BCL2: variants seen among roughly 807,000 people sequenced by gnomAD.
BCL2 encodes BCL2 apoptosis regulator.
A neutral mutation model predicts 14.2 loss-of-function variants in BCL2; 1 was observed. That is an observed-to-expected ratio of 0.07 (90% CI 0.02 to 0.33). The LOEUF (loss-of-function observed/expected upper bound fraction) is 0.33, where lower values mean the gene tolerates loss of function less well. BCL2 is among the 10% of genes least tolerant of loss of function. BCL2 has a pLI of 0.99. For synonymous variants in BCL2, 151 were observed against 137.2 expected, an observed-to-expected ratio of 1.10 and a Z score of -0.70; for missense variants, 247 against 305.9, an observed-to-expected ratio of 0.81 and a Z score of 1.44.
chr18:63,181,235 C>G (rs992747679), intron 2 of BCL2, among the ~76,000 whole-genome samples: 2 of 152,184 alleles, frequency 1.3e-5, no homozygotes, highest in African/African-American at 4.8e-5. Flanking sequence ...AAGGTGGAAC[C>G]TAGCCAAAAT....
chr18:63,307,714 C>G (rs1461692057), intron 2 of BCL2, among the ~76,000 whole-genome samples: 1 of 152,142 alleles, frequency 6.6e-6, no homozygotes, highest in Non-Finnish European at 1.5e-5. Context: ...GGCCAATTAT[C>G]TGGGTGTCCT....
At chr18:63,256,507 A>G (rs865945384) in intron 2 of BCL2, among the ~76,000 whole-genome samples, 3 of 152,210 alleles carry the variant, frequency 2.0e-5, no homozygotes, top group Non-Finnish European at 4.4e-5. Context: ...GTGAGCCACC[A>G]TGCCCGGCCA....
At chr18:63,244,513 C>T (rs7242090) in intron 2 of BCL2, among the ~76,000 whole-genome samples, 144,370 of 152,164 alleles carry the variant, frequency 0.95, 68,784 homozygotes, top group Non-Finnish European at 0.98. Context: ...GAGCCAAGAT[C>T]GCACCGCTGC....
chr18:63,242,116 A>G (rs576907294), intron 2 of BCL2, among the ~76,000 whole-genome samples: 1 of 61,982 alleles, frequency 1.6e-5, no homozygotes, highest in South Asian at 7.4e-4. Context: ...TTCTTCTAAG[A>G]AGGAAAAAAA....
intron 2 of BCL2, among the ~76,000 whole-genome samples, chr18:63,289,503 G>C (rs1912581730): frequency 6.6e-6 from 1 of 152,268 alleles, no homozygotes; most frequent in East Asian, 1.9e-4. Context: ...GAGTAGCAGG[G>C]AATGATGAAG....
chr18:63,154,606 C>T (rs1293902287), intron 2 of BCL2, among the ~76,000 whole-genome samples: 1 of 152,150 alleles, frequency 6.6e-6, no homozygotes, highest in African/African-American at 2.4e-5. Context: ...GCTGGGATGC[C>T]ACTCTGCCTT....
intron 2 of BCL2, among the ~76,000 whole-genome samples, chr18:63,232,979 T>C (rs1910727701): frequency 6.6e-6 from 1 of 152,230 alleles, no homozygotes; most frequent in Non-Finnish European, 1.5e-5. Context: ...GTAACATTTA[T>C]CTTTCAGTTC....
chr18:63,138,775 C>T (rs1464484717), intron 2 of BCL2, among the ~76,000 whole-genome samples: 3 of 152,204 alleles, frequency 2.0e-5, no homozygotes, highest in Admixed American at 1.3e-4. Flanking sequence ...AGATGAAAAA[C>T]CCAAACAAAA....
chr18:63,277,544 C>G (rs892377734), intron 2 of BCL2, among the ~76,000 whole-genome samples: 3 of 149,312 alleles, frequency 2.0e-5, no homozygotes, highest in South Asian at 2.1e-4. Flanking sequence ...AGGAGGATCA[C>G]TTGCCTGGGT....
intron 2 of BCL2, among the ~76,000 whole-genome samples, chr18:63,228,751 C>T (rs1445270520): frequency 6.6e-6 from 1 of 151,956 alleles, no homozygotes; most frequent in Admixed American, 6.6e-5. Flanking sequence ...GTTCTGCCGC[C>T]CAGCTGGAGT....
intron 2 of BCL2, among the ~76,000 whole-genome samples, chr18:63,169,068 C>T (rs1177784177): frequency 6.6e-6 from 1 of 152,240 alleles, no homozygotes; most frequent in African/African-American, 2.4e-5. Flanking sequence ...TATCTCCAGC[C>T]TTGATTCTGA....
intron 2 of BCL2, among the ~76,000 whole-genome samples, chr18:63,293,328 T>C (rs997627919): frequency 1.3e-5 from 2 of 152,236 alleles, no homozygotes; most frequent in African/African-American, 4.8e-5. Context: ...CTTCTCTTTT[T>C]TGGGGCTGTG....
intron 2 of BCL2, among the ~76,000 whole-genome samples, chr18:63,279,613 T>C (rs971313277): frequency 6.6e-6 from 1 of 152,186 alleles, no homozygotes; most frequent in Non-Finnish European, 1.5e-5. Flanking sequence ...CCAATAGAAA[T>C]ATATGCACAA....
intron 2 of BCL2, among the ~76,000 whole-genome samples, chr18:63,135,958 T>C (rs1163782437): frequency 6.6e-6 from 1 of 152,038 alleles, no homozygotes; most frequent in Non-Finnish European, 1.5e-5. Context: ...CTAAATTCAC[T>C]GGGTGTGAGG....
intron 2 of BCL2, among the ~76,000 whole-genome samples, chr18:63,189,202 A>G (rs1037707006): frequency 2.0e-3 from 306 of 151,794 alleles, no homozygotes; most frequent in African/African-American, 4.0e-3. Context: ...AAAAAAAAAA[A>G]AAAGAAAAAG....
chr18:63,180,588 C>A (rs118052943), intron 2 of BCL2, among the ~76,000 whole-genome samples: 3 of 146,176 alleles, frequency 2.1e-5, no homozygotes, highest in Non-Finnish European at 4.4e-5. Context: ...ACCACGGCAA[C>A]GTGAATGCTT....
intron 2 of BCL2, among the ~76,000 whole-genome samples, chr18:63,309,452 C>T (rs1245470126): frequency 1.3e-5 from 2 of 152,190 alleles, no homozygotes; most frequent in Non-Finnish European, 2.9e-5. Context: ...AAGACAGTAT[C>T]ATTTTTTGAG....
intron 2 of BCL2, among the ~76,000 whole-genome samples, chr18:63,279,389 G>C (rs957727955): frequency 1.3e-5 from 2 of 152,150 alleles, no homozygotes. Context: ...ACTTGCATAG[G>C]CACGTTCTAA....
chr18:63,129,215 A>G (rs1359398913), intron 2 of BCL2, among the ~76,000 whole-genome samples: 1 of 151,736 alleles, frequency 6.6e-6, no homozygotes, highest in East Asian at 1.9e-4. Context: ...TGACCGTCAC[A>G]CTCCTCGATT....
Sources: gnomAD v4.1 joint callset for allele counts (sites outside exome capture counted in the v4.1 genomes callset) on GRCh38, gnomAD v4.1.1 for gene constraint, MANE v1.5 for transcripts, NCBI Gene and HGNC (gene_info 2026-07-23, HGNC 2026-07-21) for gene names.